IWS1: variants seen among roughly 807,000 people sequenced by gnomAD.
IWS1 encodes protein IWS1 homolog.
A neutral mutation model predicts 86.7 loss-of-function variants in IWS1; 27 were observed. That is an observed-to-expected ratio of 0.31 (90% CI 0.23 to 0.43). IWS1 has a LOEUF of 0.43. IWS1 is among the 20% of genes least tolerant of loss of function. IWS1 has a pLI of 1.00. For synonymous variants in IWS1, 313 were observed against 335.1 expected (o/e 0.93, Z 0.72); for missense variants, 827 against 1,000.8 (o/e 0.83, Z 2.34).
intron 2 of IWS1, among the ~76,000 whole-genome samples, chr2:127,521,675 G>A (rs1692102604): frequency 6.6e-6 from 1 of 152,118 alleles, no homozygotes; most frequent in Non-Finnish European, 1.5e-5. Flanking sequence ...TGAATACAGT[G>A]AAAAAACAGA....
chr2:127,517,358 T>TA (rs1480999891), intron 2 of IWS1, among the ~76,000 whole-genome samples: 1 of 152,144 alleles, frequency 6.6e-6, no homozygotes, highest in African/African-American at 2.4e-5. Context: ...TACAAAGCAA[T>TA]AGTAGTTAAT....
intron 10 of IWS1, chr2:127,491,020 C>A (rs530858721): frequency 6.6e-6 from 1 of 152,220 alleles, no homozygotes; most frequent in East Asian, 1.9e-4. Flanking sequence ...TTAAGGAGGA[C>A]AACAAAAACA....
chr2:127,521,675 G>GA (rs766890324), intron 2 of IWS1, among the ~76,000 whole-genome samples: 2 of 152,118 alleles, frequency 1.3e-5, no homozygotes, highest in Non-Finnish European at 2.9e-5. Flanking sequence ...TGAATACAGT[G>GA]AAAAAACAGA....
chr2:127,494,993 T>C (rs781269587), intron 7 of IWS1, 39 bp from the exon 8 acceptor site: 1 of 1,234,748 alleles, frequency 8.1e-7, no homozygotes, highest in Non-Finnish European at 1.2e-6. Context: ...TTTAAAACAG[T>C]ACTTTTTATT....
At chr2:127,494,245 T>TAAAAAAAAA (rs11327472) in intron 8 of IWS1, among the ~76,000 whole-genome samples, 10 of 94,080 alleles carry the variant, frequency 1.1e-4, no homozygotes, top group East Asian at 3.6e-4. Flanking sequence ...TGTCTCTAAT[T>TAAAAAAAAA]AAAAAAAAAA....
At chr2:127,504,397 C>T (rs1573537780) in intron 3 of IWS1, among the ~76,000 whole-genome samples, 2 of 151,506 alleles carry the variant, frequency 1.3e-5, no homozygotes, top group South Asian at 4.2e-4. Flanking sequence ...GAAACATTAC[C>T]TCTTCCAGTT....
intron 2 of IWS1, among the ~76,000 whole-genome samples, chr2:127,513,385 A>C (rs1414413226): frequency 6.6e-6 from 1 of 152,258 alleles, no homozygotes; most frequent in African/African-American, 2.4e-5. Context: ...TATTCAAAGA[A>C]AGATGTGTAA....
At position 127,489,395 on chromosome 2, in the gene IWS1, A is replaced by G; in HGVS notation, c.2160-160T>C. 1 of 609,450 alleles carries G rather than the reference A, an allele frequency of 1.6e-6. No homozygotes were observed. The highest frequency in any genetic ancestry group is 2.9e-6 in the Non-Finnish European group (1 of 341,276). The allele number at this position is 609,450 out of a possible 1,614,324, so 37.8% of individuals were successfully genotyped here. A position where few individuals can be genotyped will look rare whatever the true frequency, so the allele number is the denominator to read the frequency against. On this transcript the variant is annotated intron_variant, in intron 11 of 13. Coordinates refer to ENST00000295321, the MANE Select transcript of IWS1 (RefSeq NM_017969.3). The surrounding 1 kb of genome is among the most constrained non-coding windows in gnomAD (Gnocchi z 4.8). The stretch of plus-strand genomic sequence containing the variant: ...ATCTTTAAAAAGTACTACTCATTTT[A>G]GTATTCATTTGCATAACAGGTTTCC...
chr2:127,505,814 A>C lies in IWS1; in HGVS notation c.151-62T>G. The C allele has an allele frequency of 8.9e-7, 1 of 1,123,352 alleles. No homozygotes were observed. The allele number at this position is 1,123,352 out of a possible 1,614,324, so 69.6% of individuals were successfully genotyped here. A position where few individuals can be genotyped will look rare whatever the true frequency, so the allele number is the denominator to read the frequency against. ...AAAAAAAAAAAACCATTAATAATAA[A>C]ACATTAAATTTTTTCTGTGATTTTT... On this transcript the variant is annotated intron_variant, in intron 2 of 13. Transcript: ENST00000295321. The surrounding 1 kb of genome is among the most constrained non-coding windows in gnomAD (Gnocchi z 5.0).
At chr2:127,513,266 G>GT (rs1691570882) in intron 2 of IWS1, among the ~76,000 whole-genome samples, 1 of 152,058 alleles carries the variant, frequency 6.6e-6, no homozygotes, top group East Asian at 1.9e-4. Flanking sequence ...CAAAAAAAAG[G>GT]TTTAATTAAC....
At chr2:127,488,846 T>C (rs1196342506) in intron 12 of IWS1, among the ~76,000 whole-genome samples, 1 of 152,196 alleles carries the variant, frequency 6.6e-6, no homozygotes, top group African/African-American at 2.4e-5. Context: ...GCCCATGGCT[T>C]TACCAAAGAC....
intron 13 of IWS1, among the ~76,000 whole-genome samples, chr2:127,481,453 A>T (rs76150700): frequency 6.6e-4 from 101 of 152,046 alleles, no homozygotes; most frequent in Middle Eastern, 6.8e-3. Flanking sequence ...GGGGGGGGGA[A>T]ACTGAGACTA....
intron 13 of IWS1, chr2:127,486,132 C>T (rs779701080): frequency 1.7e-5 from 3 of 173,554 alleles, no homozygotes; most frequent in Admixed American, 1.6e-4. Flanking sequence ...TAAGTGTCTA[C>T]CCTAATCATT....
At chr2:127,526,581 C>A (rs2104757574), upstream of IWS1, 1 of 1,387,486 alleles carries the variant, frequency 7.2e-7, no homozygotes, top group East Asian at 4.0e-5. Flanking sequence ...CCAGGCACGG[C>A]CGGAAAGGAG....
intron 2 of IWS1, among the ~76,000 whole-genome samples, chr2:127,521,955 G>A (rs1021464171): frequency 1.3e-5 from 2 of 152,300 alleles, no homozygotes; most frequent in South Asian, 2.1e-4. Context: ...TGTTTCCAAA[G>A]AGGAAACTTA....
At chr2:127,510,225 C>A (rs192615667) in intron 2 of IWS1, among the ~76,000 whole-genome samples, 1 of 152,054 alleles carries the variant, frequency 6.6e-6, no homozygotes, top group Non-Finnish European at 1.5e-5. Context: ...TTTGTCAATG[C>A]GTATCAGTTT....
At position 127,504,893 on chromosome 2, in the gene IWS1, T is replaced by C. The variant is rs773513848; in HGVS notation, c.1010A>G (p.Asn337Ser). Residue 337 changes from asparagine (N) to serine (S), a missense_variant, in exon 3 of 14, where the codon AAT becomes AGT. By Grantham distance (46) the Asn-to-Ser change is conservative. Transcript: ENST00000295321. ...PESDDDSDRENKGEDTEMQND... is the reference protein window; with the variant it reads ...PESDDDSDRESKGEDTEMQND... ...CTGCATTTCTGTATCCTCTCCCTTA[T>C]TCTCCCTGTCGCTGTCATCATCTGA... The C allele has an allele frequency of 6.2e-7, 1 of 1,614,086 alleles. No individual in the cohort carries two copies. Among genetic ancestry groups the C allele is most frequent in the Admixed American group, 1.7e-5 (1 of 60,000 alleles).
Position 127,502,890 on chromosome 2 carries a change from G to GA in IWS1, c.1410-19_1410-18insT. On this transcript the variant is annotated intron_variant, in intron 4 of 13. Coordinates refer to ENST00000295321, the MANE Select transcript of IWS1 (RefSeq NM_017969.3). ...TAAGATTTCTAGAAAGTAGACAAAT[G>GA]TAAAAACATTCATTTGCTTTATCCT... 1 of 1,418,262 alleles carries GA rather than the reference G, an allele frequency of 7.1e-7. No homozygotes were observed. The highest frequency in any genetic ancestry group is 1.2e-5 in the South Asian group (1 of 84,688). The allele number at this position is 1,418,262 out of a possible 1,614,324, so 87.9% of individuals were successfully genotyped here. A position where few individuals can be genotyped will look rare whatever the true frequency, so the allele number is the denominator to read the frequency against.
chr2:127,523,236 C>T (rs1028917032), intron 2 of IWS1, among the ~76,000 whole-genome samples: 4 of 152,052 alleles, frequency 2.6e-5, no homozygotes, highest in African/African-American at 4.8e-5. Context: ...TTATTACATA[C>T]ATTATATACA....
Sources: gnomAD v4.1 joint callset for allele counts (sites outside exome capture counted in the v4.1 genomes callset) on GRCh38, gnomAD v4.1.1 for gene constraint, Gnocchi (gnomAD v3.1) non-coding constraint, MANE v1.5 for transcripts, NCBI Gene and HGNC (gene_info 2026-07-23, HGNC 2026-07-21) for gene names.